The following MTR variants were observed in gnomAD, a reference collection of about 807,000 sequenced individuals.
MTR encodes 5-methyltetrahydrofolate-homocysteine methyltransferase.
In MTR, 84 loss-of-function variants were observed where a neutral mutation model predicts 154.8. That is an observed-to-expected ratio of 0.54 (90% CI 0.45 to 0.65). The LOEUF is 0.65. MTR is among the 30% of genes least tolerant of loss of function. MTR has a pLI of 0.00. For missense variants in MTR, 1,275 were observed against 1,570.2 expected (o/e 0.81, Z 3.18); for synonymous variants, 554 against 553.9 (o/e 1.00, Z 0.00).
intron 28 of MTR, 98 bp downstream of exon 28, chr1:236,889,434 G>C: frequency 6.5e-7 from 1 of 1,534,714 alleles, no homozygotes. Context: ...GATTTGGATT[G>C]TGCAGATTAC....
intron 8 of MTR, among the ~76,000 whole-genome samples, chr1:236,818,529 C>T (rs899118417): frequency 7.9e-5 from 12 of 152,180 alleles, no homozygotes; most frequent in African/African-American, 2.4e-4. Flanking sequence ...TTGATCCACT[C>T]AGTGGTTAAT....
chr1:236,835,766 T>G (rs748557336), intron 14 of MTR, 79 bp downstream of exon 14: 399 of 1,577,038 alleles, frequency 2.5e-4, no homozygotes, highest in Non-Finnish European at 3.4e-4. Context: ...GTTGTCCCAT[T>G]AATCTGTGAA....
At chr1:236,883,413 T>C (rs1317335141) in intron 25 of MTR, among the ~76,000 whole-genome samples, 6 of 152,172 alleles carry the variant, frequency 3.9e-5, no homozygotes. Context: ...GCCAGCAAAC[T>C]GCAGCGGTAT....
intron 2 of MTR, among the ~76,000 whole-genome samples, chr1:236,804,575 C>G (rs765222075): frequency 3.3e-5 from 5 of 152,118 alleles, no homozygotes; most frequent in Admixed American, 6.5e-5. Context: ...ATAATCTATT[C>G]CATGTATATA....
chr1:236,863,808 C>T lies in MTR; in HGVS notation c.2405+254C>T, dbSNP rs548902694. Among the ~76,000 whole-genome samples, 8 of 152,246 alleles carry T rather than the reference C, an allele frequency of 5.3e-5. No individual in the cohort carries two copies. In the South Asian group the frequency reaches 1.0e-3, roughly 20 times the overall value. ...AAAGCTATTCAAGTGGGGTGGAAACCGTCCAGAGGATTCCTGGGGTTGGAT... is the reference window on the plus strand; with the variant it reads ...AAAGCTATTCAAGTGGGGTGGAAACTGTCCAGAGGATTCCTGGGGTTGGAT... On this transcript the variant is annotated intron_variant, in intron 22 of 32. Coordinates refer to ENST00000366577, the MANE Select transcript of MTR (RefSeq NM_000254.3).
At chr1:236,873,716 A>G (rs1310900844) in intron 22 of MTR, 57 bp from the exon 23 acceptor site, 1 of 1,416,020 alleles carries the variant, frequency 7.1e-7, no homozygotes, top group African/African-American at 1.4e-5. Context: ...TGTTCATTTC[A>G]GTTTTGTCTC....
chr1:236,892,017 C>G (rs1173952560), intron 29 of MTR, among the ~76,000 whole-genome samples: 1 of 152,162 alleles, frequency 6.6e-6, no homozygotes, highest in Non-Finnish European at 1.5e-5. Context: ...CTCTCATCCC[C>G]CCCACCTTTG....
At chr1:236,894,706 A>T in intron 30 of MTR, 149 bp downstream of exon 30, 1 of 722,726 alleles carries the variant, frequency 1.4e-6, no homozygotes. Context: ...TTAACATTAT[A>T]CGTATTTTAA....
intron 5 of MTR, among the ~76,000 whole-genome samples, chr1:236,811,432 A>G (rs1015457399): frequency 3.9e-5 from 6 of 152,234 alleles, no homozygotes; most frequent in Non-Finnish European, 5.9e-5. Context: ...ATTTCTAAGC[A>G]TCAAGACTAT....
chr1:236,852,438 C>A, intron 16 of MTR, 83 bp from the exon 17 acceptor site: 1 of 977,752 alleles, frequency 1.0e-6, no homozygotes, highest in Non-Finnish European at 1.6e-6. Context: ...TTTTTCTTTC[C>A]ACTCCTATAT....
chr1:236,812,037 C>T (rs544684620), intron 5 of MTR, among the ~76,000 whole-genome samples: 49 of 152,180 alleles, frequency 3.2e-4, no homozygotes, highest in Non-Finnish European at 5.6e-4. Context: ...TGTGCCATCA[C>T]GCCTGGCTAA....
chr1:236,820,497 G>T lies in MTR; in HGVS notation c.765-3622G>T, dbSNP rs1558285467. 2.5e-6 allele frequency: 3 copies of T among 1,189,482 alleles called. No homozygotes were observed. In the East Asian group the frequency reaches 7.1e-5, roughly 28 times the overall value. 73.7% of individuals were successfully genotyped at this position (1,189,482 alleles called of 1,614,324 possible). A position where few individuals can be genotyped will look rare whatever the true frequency, so the allele number is the denominator to read the frequency against. On this transcript the variant is annotated intron_variant, in intron 8 of 32. Coordinates refer to ENST00000366577, the MANE Select transcript of MTR (RefSeq NM_000254.3). ...CACTGCTCAGGCCACTGAATAAGTAGCAGCAACCACTGAATGGTCTTAAGC... is the reference window on the plus strand; with the variant it reads ...CACTGCTCAGGCCACTGAATAAGTATCAGCAACCACTGAATGGTCTTAAGC...
intron 22 of MTR, among the ~76,000 whole-genome samples, 169 bp downstream of exon 22, chr1:236,863,723 G>A (rs1205780654): frequency 6.6e-6 from 1 of 152,182 alleles, no homozygotes; most frequent in East Asian, 1.9e-4. Context: ...CGTGAACACA[G>A]CATTTCAAAT....
intron 27 of MTR, 82 bp downstream of exon 27, chr1:236,886,449 C>T: frequency 7.7e-7 from 1 of 1,295,838 alleles, no homozygotes. Context: ...TACTTGGCTG[C>T]AAAATCAAAC....
intron 30 of MTR, 133 bp from the exon 31 acceptor site, chr1:236,895,225 T>C (rs1175336637): frequency 1.0e-6 from 1 of 991,206 alleles, no homozygotes. Context: ...CTGTTTCCTC[T>C]TGTCAAATTT....
intron 7 of MTR, 24 bp from the exon 8 acceptor site, chr1:236,816,425 A>T (rs373623172): frequency 6.3e-7 from 1 of 1,599,764 alleles, no homozygotes; most frequent in Non-Finnish European, 8.6e-7. Context: ...TGTATTGTTG[A>T]CTTTGTTTAC....
chr1:236,819,923 C>T (rs1438838280), intron 8 of MTR: 21 of 991,576 alleles, frequency 2.1e-5, no homozygotes, highest in Non-Finnish European at 1.6e-6. Context: ...CCACTGGAGC[C>T]ACTCCAGTTG....
intron 24 of MTR, among the ~76,000 whole-genome samples, chr1:236,876,597 AAAG>A (rs1378957529): frequency 5.9e-5 from 9 of 152,228 alleles, no homozygotes; most frequent in African/African-American, 1.9e-4. Context: ...GGCTTCAAAA[AAAG>A]AATCTTTTTA....
At chr1:236,840,111 T>C (rs1319475062) in intron 15 of MTR, among the ~76,000 whole-genome samples, 1 of 152,232 alleles carries the variant, frequency 6.6e-6, no homozygotes, top group East Asian at 1.9e-4. Context: ...TTGTTTTGTA[T>C]TTTTGGAATG....
Sources: allele counts gnomAD v4.1 joint callset (sites outside exome capture counted in the v4.1 genomes callset), GRCh38; gene constraint gnomAD v4.1.1; transcripts MANE v1.5; gene names NCBI Gene and HGNC (gene_info 2026-07-23, HGNC 2026-07-21).